MIPOL1: variants seen among roughly 807,000 people sequenced by gnomAD.
MIPOL1 encodes the protein mirror-image polydactyly 1.
In MIPOL1, 57 loss-of-function variants were observed where a neutral mutation model predicts 60.9. The observed-to-expected ratio is 0.94, with a 90% CI of 0.76 to 1.17. The LOEUF (loss-of-function observed/expected upper bound fraction) is 1.17, where lower values mean the gene tolerates loss of function less well. Among genes scored for constraint, MIPOL1 ranks in the 50% most tolerant of loss-of-function variants. The pLI is 0.00. For missense variants in MIPOL1, 551 were observed against 511.6 expected, an observed-to-expected ratio of 1.08 and a Z score of -0.74; for synonymous variants, 179 against 168.8, an observed-to-expected ratio of 1.06 and a Z score of -0.47.
At chr14:37,424,645 C>T (rs544172859) in intron 11 of MIPOL1, among the ~76,000 whole-genome samples, 28 of 152,278 alleles carry the variant, frequency 1.8e-4, no homozygotes, top group African/African-American at 4.6e-4. Context: ...AGTTATCAAA[C>T]GTCAAGTATG....
chr14:37,453,145 C>G (rs1555347919), intron 11 of MIPOL1, among the ~76,000 whole-genome samples: 2 of 152,036 alleles, frequency 1.3e-5, no homozygotes, highest in Non-Finnish European at 2.9e-5. Flanking sequence ...TTTTTAACTT[C>G]AAGAAGTCTC....
At chr14:37,514,834 A>G (rs943334579) in intron 12 of MIPOL1, among the ~76,000 whole-genome samples, 1 of 151,962 alleles carries the variant, frequency 6.6e-6, no homozygotes, top group African/African-American at 2.4e-5. Flanking sequence ...TTGGTCAGGT[A>G]TACTCATCTA....
rs1211129708 is a variant in MIPOL1, at chr14:37,550,176, T to C, written c.*3205T>C. On this transcript the variant is annotated 3_prime_UTR_variant, in exon 13 of 13. Transcript: ENST00000684589. ...TATTTCCTTATTCAAATAAATTCAG[T>C]CATCTTCTTATCAGGTTGCTTATTT... 1 of 151,240 alleles carries C rather than the reference T, an allele frequency of 6.6e-6. No individual in the cohort carries two copies. Among genetic ancestry groups the C allele is most frequent in the African/African-American group, 2.4e-5 (1 of 41,382 alleles). The allele number at this position is 151,240 out of a possible 1,614,324, so 9.4% of individuals were successfully genotyped here. A position where few individuals can be genotyped will look rare whatever the true frequency, so the allele number is the denominator to read the frequency against.
At chr14:37,283,390 A>C (rs1157950489) in intron 6 of MIPOL1, among the ~76,000 whole-genome samples, 1 of 152,074 alleles carries the variant, frequency 6.6e-6, no homozygotes, top group Non-Finnish European at 1.5e-5. Flanking sequence ...TGAAAGAGCC[A>C]CTGCACCCAG....
chr14:37,428,549 G>T (rs1443334754), intron 11 of MIPOL1, among the ~76,000 whole-genome samples: 1 of 152,044 alleles, frequency 6.6e-6, no homozygotes, highest in Admixed American at 6.6e-5. Flanking sequence ...GATCACACCA[G>T]TGTACTCCAG....
At chr14:37,460,089 AAATAATAATAATAAT>A (rs139000493) in intron 11 of MIPOL1, among the ~76,000 whole-genome samples, 3 of 148,914 alleles carry the variant, frequency 2.0e-5, no homozygotes, top group Non-Finnish European at 4.4e-5. Flanking sequence ...AATAATAGTA[AAATAATAATAATAAT>A]AATAATAATA....
At chr14:37,511,825 G>A (rs1160619990) in intron 12 of MIPOL1, among the ~76,000 whole-genome samples, 1 of 152,116 alleles carries the variant, frequency 6.6e-6, no homozygotes, top group African/African-American at 2.4e-5. Context: ...CAGATTTACA[G>A]TGATATGATT....
At chr14:37,345,152 C>T (rs985329684) in intron 9 of MIPOL1, among the ~76,000 whole-genome samples, 2 of 152,030 alleles carry the variant, frequency 1.3e-5, no homozygotes, top group Admixed American at 6.6e-5. Context: ...GGCTGGAGTA[C>T]AGTCATACAG....
At chr14:37,359,696 TA>T (rs1323486946) in intron 9 of MIPOL1, among the ~76,000 whole-genome samples, 1 of 152,232 alleles carries the variant, frequency 6.6e-6, no homozygotes, top group Non-Finnish European at 1.5e-5. Flanking sequence ...AGAATTTGCC[TA>T]ATTTGCTTAT....
intron 9 of MIPOL1, among the ~76,000 whole-genome samples, chr14:37,368,000 A>G (rs2092530323): frequency 6.6e-6 from 1 of 152,056 alleles, no homozygotes; most frequent in African/African-American, 2.4e-5. Flanking sequence ...ACCACATAAT[A>G]TGTGTCACAA....
chr14:37,296,548 A>G (rs558491177), intron 7 of MIPOL1, among the ~76,000 whole-genome samples: 1 of 152,366 alleles, frequency 6.6e-6, no homozygotes, highest in South Asian at 2.1e-4. Flanking sequence ...CAAAATTGAT[A>G]GACCATTAGC....
intron 10 of MIPOL1, among the ~76,000 whole-genome samples, chr14:37,410,496 T>C (rs921733503): frequency 2.0e-5 from 3 of 152,122 alleles, no homozygotes. Context: ...AGAATTGTAT[T>C]AAAGAAACTT....
chr14:37,405,400 T>C (rs1441237501), intron 10 of MIPOL1, among the ~76,000 whole-genome samples: 1 of 152,178 alleles, frequency 6.6e-6, no homozygotes, highest in Non-Finnish European at 1.5e-5. Flanking sequence ...TTAAAAACCA[T>C]TTTAATTGTC....
intron 1 of MIPOL1, among the ~76,000 whole-genome samples, chr14:37,207,693 G>A (rs548497614): frequency 2.5e-4 from 38 of 151,934 alleles, no homozygotes; most frequent in South Asian, 6.2e-4. Flanking sequence ...TTACAGGCAC[G>A]TGCCATCATG....
chr14:37,277,149 A>C (rs1414885198), intron 6 of MIPOL1: 1 of 151,322 alleles, frequency 6.6e-6, no homozygotes, highest in African/African-American at 2.4e-5. Context: ...CATAATGTCA[A>C]GCCTTTGAAA....
At chr14:37,423,239 C>G (rs1801329093) in intron 11 of MIPOL1, among the ~76,000 whole-genome samples, 1 of 151,022 alleles carries the variant, frequency 6.6e-6, no homozygotes. Context: ...ATTTGCCCAT[C>G]TAAATATCAC....
At position 37,344,519 on chromosome 14, in the gene MIPOL1, A is replaced by G. The variant is rs548154796; in HGVS notation, c.829-24998A>G. Among the ~76,000 whole-genome samples, 34 of 152,078 alleles carry G rather than the reference A, an allele frequency of 2.2e-4. No homozygotes were observed. The South Asian group carries it at 3.5e-3, about 16-fold the overall frequency. ...GTTTTTATTAGCAAAACTACTTTATAGGTGGTTTTGTGTTCTTTCATCTGG... is the reference window on the plus strand; with the variant it reads ...GTTTTTATTAGCAAAACTACTTTATGGGTGGTTTTGTGTTCTTTCATCTGG... On this transcript the variant is annotated intron_variant, in intron 9 of 12. Coordinates refer to ENST00000684589, the MANE Select transcript of MIPOL1 (RefSeq NM_001388067.1).
intron 10 of MIPOL1, among the ~76,000 whole-genome samples, chr14:37,410,296 A>G (rs1303318353): frequency 2.0e-5 from 3 of 152,194 alleles, no homozygotes; most frequent in African/African-American, 7.2e-5. Flanking sequence ...AGCATGGCAC[A>G]TGTATAGATA....
chr14:37,267,160 A>C lies in MIPOL1; in HGVS notation c.242A>C (p.Glu81Ala), dbSNP rs1431377148. 6.2e-7 allele frequency: 1 copy of C among 1,611,466 alleles called. No individual in the cohort carries two copies. Among genetic ancestry groups the C allele is most frequent in the Non-Finnish European group, 8.5e-7 (1 of 1,178,088 alleles). ...GATGAGTCTGTTTACTGCACTACTG[A>C]AAAATACAAGTAAGTGCTCACAGCC... ...PDDESVYCTT[E>A]KYNVMEHRHN... The change falls in exon 4 of 13, where the codon GAA (glutamate) becomes GCA (alanine). Residue 81 changes from glutamate to alanine, a missense_variant. Coordinates refer to ENST00000684589, the MANE Select transcript of MIPOL1 (RefSeq NM_001388067.1).
Sources: gnomAD v4.1 joint callset for allele counts (sites outside exome capture counted in the v4.1 genomes callset) on GRCh38, gnomAD v4.1.1 for gene constraint, MANE v1.5 for transcripts, NCBI Gene and HGNC (gene_info 2026-07-23, HGNC 2026-07-21) for gene names.